Variants in SLC25A14 observed in about 807,000 individuals in gnomAD.
The protein encoded by SLC25A14 is brain mitochondrial carrier protein 1.
In SLC25A14, 8 loss-of-function variants were observed where a neutral mutation model predicts 28.1. The observed-to-expected ratio is 0.28, with a 90% CI of 0.17 to 0.51. The LOEUF (loss-of-function observed/expected upper bound fraction) is 0.51. SLC25A14 is among the 20% of genes least tolerant of loss of function. The pLI, the probability that SLC25A14 is intolerant of heterozygous loss-of-function variation, is 0.97. For missense variants in SLC25A14, 135 were observed against 263.8 expected, an observed-to-expected ratio of 0.51 and a Z score of 3.38; for synonymous variants, 74 against 90.6, an observed-to-expected ratio of 0.82 and a Z score of 1.04.
At chrX:130,355,866 T>G (rs1333598876) in intron 6 of SLC25A14, among the ~76,000 whole-genome samples, 2 of 112,225 alleles carry the variant, frequency 1.8e-5, no homozygotes, top group Admixed American at 1.9e-4. Context: ...CCTTTAGAAT[T>G]CCCAAGTTTT....
At chrX:130,365,106 G>C (rs2034082551) in intron 8 of SLC25A14, 2 of 799,931 alleles carry the variant, frequency 2.5e-6, no homozygotes, top group Non-Finnish European at 3.0e-6. Context: ...GAAAAAAAGG[G>C]GTAAATAAGG....
chrX:130,358,965 C>T (rs771336551), intron 7 of SLC25A14: 50 of 916,037 alleles, frequency 5.5e-5, no homozygotes, highest in Admixed American at 8.2e-5. Context: ...ATGGCTGTTT[C>T]GATCATATTC....
intron 6 of SLC25A14, among the ~76,000 whole-genome samples, chrX:130,355,705 G>C (rs2033768862): frequency 9.0e-6 from 1 of 111,638 alleles, no homozygotes; most frequent in African/African-American, 3.3e-5. Context: ...TGTTTAACTT[G>C]GGTTCCAAAG....
At chrX:130,350,413 C>T (rs776400392) in intron 5 of SLC25A14, among the ~76,000 whole-genome samples, 30 of 111,324 alleles carry the variant, frequency 2.7e-4, no homozygotes, top group Non-Finnish European at 4.5e-4. Context: ...GTTCCAGTGT[C>T]CTTTAGAAAT....
In SLC25A14 at chrX:130,346,538, T is replaced by G. The variant is rs752530769; in HGVS notation, c.170-6T>G. ...CATACTTATAAATAAGTGTGTTCCT[T>G]TATAGGGACTTTCCCTGTGGACCTT... On this transcript the variant is annotated splice_region_variant and splice_polypyrimidine_tract_variant and intron_variant, in intron 3 of 10. Transcript: ENST00000545805. 8.3e-7 allele frequency: 1 copy of G among 1,198,351 alleles called. No homozygotes were observed. Among genetic ancestry groups the G allele is most frequent in the Non-Finnish European group, 1.1e-6 (1 of 884,480 alleles).
chrX:130,357,232 C>G (rs148860885), intron 6 of SLC25A14, among the ~76,000 whole-genome samples: 3 of 111,947 alleles, frequency 2.7e-5, no homozygotes, highest in African/African-American at 9.7e-5. Flanking sequence ...GCAAAAAATT[C>G]ATGATGAACC....
intron 2 of SLC25A14, among the ~76,000 whole-genome samples, chrX:130,344,406 A>G (rs2033360878): frequency 8.9e-6 from 1 of 111,952 alleles, no homozygotes; most frequent in Admixed American, 9.5e-5. Flanking sequence ...AAGATTGATG[A>G]TGACAGGTCT....
intron 5 of SLC25A14, 42 bp from the exon 6 acceptor site, chrX:130,350,604 C>T (rs2033595885): frequency 1.2e-6 from 1 of 844,393 alleles, no homozygotes; most frequent in Admixed American, 2.5e-5. Flanking sequence ...CAAACTGGTG[C>T]CTAATACAAG....
chrX:130,369,403 G>C (rs1275505274), intron 9 of SLC25A14, among the ~76,000 whole-genome samples: 2 of 112,475 alleles, frequency 1.8e-5, no homozygotes, highest in Non-Finnish European at 3.8e-5. Flanking sequence ...CACTGTGTTA[G>C]GTGGTGGTGA....
At chrX:130,365,782 A>G (rs906488877) in intron 9 of SLC25A14, 106 bp downstream of exon 9, 5 of 595,988 alleles carry the variant, frequency 8.4e-6, no homozygotes, top group Non-Finnish European at 1.3e-5. Flanking sequence ...AGATGAAAGA[A>G]TCATATTTTT....
At chrX:130,352,002 T>G (rs987720992) in intron 6 of SLC25A14, among the ~76,000 whole-genome samples, 4 of 111,465 alleles carry the variant, frequency 3.6e-5, no homozygotes, top group African/African-American at 1.3e-4. Context: ...AGGTTTGGGA[T>G]ATGAATGATC....
intron 2 of SLC25A14, among the ~76,000 whole-genome samples, chrX:130,344,764 C>G (rs2033376928): frequency 8.9e-6 from 1 of 111,802 alleles, no homozygotes; most frequent in East Asian, 2.8e-4. Context: ...GCACCTGAAT[C>G]AAGCTAACTG....
At chrX:130,362,656 T>C (rs750326007) in intron 7 of SLC25A14, among the ~76,000 whole-genome samples, 9 of 112,451 alleles carry the variant, frequency 8.0e-5, no homozygotes, top group Admixed American at 2.8e-4. Context: ...ATACTATATA[T>C]AATTTTATGC....
chrX:130,362,591 T>G lies in SLC25A14; in HGVS notation c.595-2037T>G, dbSNP rs752738745. 3.6e-5 allele frequency among the ~76,000 whole-genome samples: 4 copies of G among 112,418 alleles called. No individual in the cohort carries two copies. In the East Asian group the frequency reaches 1.1e-3, roughly 31 times the overall value. On this transcript the variant is annotated intron_variant, in intron 7 of 10. Transcript: ENST00000545805. ...AAAAAAATATTTTGATGTATTTCGT[T>G]CTAATCCTAAGAATTTGGCCTGGTG...
At chrX:130,370,874 A>G (rs1171755924) in intron 9 of SLC25A14, among the ~76,000 whole-genome samples, 1 of 111,993 alleles carries the variant, frequency 8.9e-6, no homozygotes, top group African/African-American at 3.2e-5. Context: ...GCCTTAAACC[A>G]TTTGTTATTT....
At chrX:130,369,591 C>T (rs1166570315) in intron 9 of SLC25A14, among the ~76,000 whole-genome samples, 1 of 111,800 alleles carries the variant, frequency 8.9e-6, no homozygotes, top group Admixed American at 9.5e-5. Flanking sequence ...CAAGGATGGT[C>T]AAGAAAAGCC....
chrX:130,356,461 T>C (rs2033796840), intron 6 of SLC25A14, among the ~76,000 whole-genome samples: 2 of 110,496 alleles, frequency 1.8e-5, no homozygotes, highest in Admixed American at 1.9e-4. Flanking sequence ...ACTACTGACC[T>C]CAGGTGATCC....
At chrX:130,359,027 G>A (rs1386236781) in intron 7 of SLC25A14, 2 of 1,018,122 alleles carry the variant, frequency 2.0e-6, no homozygotes, top group Non-Finnish European at 2.6e-6. Flanking sequence ...GTACTAACAC[G>A]ATGATGTATG....
intron 2 of SLC25A14, among the ~76,000 whole-genome samples, chrX:130,343,231 G>A (rs2033320385): frequency 8.9e-6 from 1 of 112,234 alleles, no homozygotes; most frequent in Non-Finnish European, 1.9e-5. Context: ...TGAATGGAGA[G>A]TTAATTTTTT....
Sources: gnomAD v4.1 joint callset for allele counts (sites outside exome capture counted in the v4.1 genomes callset) on GRCh38, gnomAD v4.1.1 for gene constraint, MANE v1.5 for transcripts, NCBI Gene and HGNC (gene_info 2026-07-23, HGNC 2026-07-21) for gene names.